Variants in HNRNPH1 observed in about 807,000 individuals in gnomAD.
HNRNPH1 encodes the protein heterogeneous nuclear ribonucleoprotein H.
In HNRNPH1, 4 loss-of-function variants were observed where a neutral mutation model predicts 58.6. The observed-to-expected ratio is 0.07, with a 90% CI of 0.03 to 0.16. HNRNPH1 has a LOEUF of 0.16. HNRNPH1 is among the 10% of genes least tolerant of loss of function. The pLI is 1.00. For synonymous variants in HNRNPH1, 192 were observed against 189.2 expected (o/e 1.01, Z -0.12); for missense variants, 271 against 564.2 (o/e 0.48, Z 5.26).
chr5:179,623,709 G>A (rs1324244172), exon 1 of HNRNPH1: 1 of 152,568 alleles, frequency 6.6e-6, no homozygotes, highest in African/African-American at 2.4e-5. Context: ...AAGGTCCCTT[G>A]TGCGAGTTCT....
In HNRNPH1 at chr5:179,621,511, T is replaced by C. The variant is rs192401448; in HGVS notation, c.98-114A>G. The C allele has an allele frequency of 7.8e-4, 657 of 837,660 alleles. 1 individual carries two copies. Among genetic ancestry groups the C allele is most frequent in the Non-Finnish European group, 1.1e-3 (578 of 527,902 alleles). The allele number at this position is 837,660 out of a possible 1,614,324, so 51.9% of individuals were successfully genotyped here. ...TACAAATTACATAACTTGTGAAGCC[T>C]ATATATACTGACCACGATATTACCA... is the stretch of plus-strand genomic sequence containing the variant. On this transcript the variant is annotated intron_variant, in intron 1 of 12. Transcript: ENST00000356731.
intron 12 of HNRNPH1, 107 bp from the exon 14 acceptor site, chr5:179,615,066 G>T: frequency 1.4e-6 from 1 of 727,732 alleles, no homozygotes; most frequent in Non-Finnish European, 2.4e-6. Context: ...ACAAATGGCT[G>T]CTGTCCAAGT....
intron 2 of HNRNPH1, among the ~76,000 whole-genome samples, chr5:179,633,386 C>A (rs1775005374): frequency 6.6e-6 from 1 of 151,936 alleles, no homozygotes; most frequent in Non-Finnish European, 1.5e-5. Flanking sequence ...AGCTCCGCCT[C>A]CCGGGTTCAC....
At chr5:179,616,787 T>G (rs922375784) in intron 10 of HNRNPH1, 82 bp downstream of exon 11, 1 of 1,215,010 alleles carries the variant, frequency 8.2e-7, no homozygotes. Context: ...CTAAACTTAT[T>G]AAATAAATAG....
chr5:179,618,264 C>G, exon 5 of HNRNPH1: 1 of 1,614,096 alleles, frequency 6.2e-7, no homozygotes, highest in Non-Finnish European at 8.5e-7. Flanking sequence ...CATAAGCTTT[C>G]GTGGTGGATC....
In HNRNPH1 at chr5:179,618,090, A is replaced by T. The variant is rs779319718; in HGVS notation, c.716-30T>A. Reference sequence around the variant, plus strand: ...AAGACAAAGTACAATCAATCAAATAAAACACCTAGACAAAGGAACAGACGA... The same window carrying T: ...AAGACAAAGTACAATCAATCAAATATAACACCTAGACAAAGGAACAGACGA... On this transcript the variant is annotated intron_variant, in intron 5 of 12. Transcript: ENST00000356731. 3.3e-5 allele frequency: 53 copies of T among 1,613,540 alleles called. No individual in the cohort carries two copies. In the South Asian group the frequency reaches 5.3e-4, roughly 16 times the overall value.
At chr5:179,624,587 A>G (rs1774173913) in exon 1 of HNRNPH1, 1 of 398,626 alleles carries the variant, frequency 2.5e-6, no homozygotes, top group African/African-American at 2.1e-5. Context: ...CCAGGCGTAG[A>G]CGCTGCATTC....
exon 1 of HNRNPH1, chr5:179,623,374 C>A: frequency 2.9e-6 from 1 of 340,106 alleles, no homozygotes; most frequent in Middle Eastern, 9.8e-4. Flanking sequence ...GGGGCCCGGG[C>A]CGAGAGCCAG....
Position 179,633,337 on chromosome 5 carries a change from C to T in HNRNPH1, c.-32+728G>A, listed in dbSNP as rs150142856. Reference sequence around the variant, plus strand: ...GTTTGAGACAGTCTCACTTTATCGCCCAGGCTGGAGTGCAGTGGCACAATC... The same window carrying T: ...GTTTGAGACAGTCTCACTTTATCGCTCAGGCTGGAGTGCAGTGGCACAATC... On this transcript the variant is annotated intron_variant, in intron 2 of 4. Coordinates refer to the HNRNPH1 transcript ENST00000521116. 2.0e-3 allele frequency among the ~76,000 whole-genome samples: 301 copies of T among 151,624 alleles called. 1 individual carries two copies. Among genetic ancestry groups the T allele is most frequent in the Non-Finnish European group, 3.3e-3 (225 of 67,928 alleles).
intron 10 of HNRNPH1, chr5:179,616,648 C>T: frequency 1.8e-6 from 1 of 567,476 alleles, no homozygotes; most frequent in Non-Finnish European, 3.1e-6. Flanking sequence ...CTCCGTAGTC[C>T]CCTCCCCCAA....
exon 5 of HNRNPH1, chr5:179,618,168 A>T: frequency 6.2e-7 from 1 of 1,614,022 alleles, no homozygotes; most frequent in Non-Finnish European, 8.5e-7. Flanking sequence ...ACCACGCCTC[A>T]TCCTCTCAAA....
chr5:179,620,969 G>A (rs753096236), exon 3 of HNRNPH1: 3 of 1,613,656 alleles, frequency 1.9e-6, no homozygotes, highest in East Asian at 2.2e-5. Flanking sequence ...ATCATTGGCC[G>A]TGTCAGGACT....
At chr5:179,622,973 GCCGCCCGCCAGCCCGC>G (rs1351386196) in intron 1 of HNRNPH1, 48 bp downstream of exon 2, 28 of 174,652 alleles carry the variant, frequency 1.6e-4, no homozygotes, top group Admixed American at 3.3e-4. Flanking sequence ...CCCCAGCCCG[GCCGCCCGCCAGCCCGC>G]CCGCCCCGGC....
At chr5:179,621,790 G>A in intron 1 of HNRNPH1, 3 of 375,016 alleles carry the variant, frequency 8.0e-6, no homozygotes, top group South Asian at 6.0e-5. Context: ...TACCTTACCA[G>A]TAGCCACATT....
In HNRNPH1 at chr5:179,615,478, T is replaced by C. The variant is rs1450811354; in HGVS notation, c.*68A>G. The C allele has an allele frequency of 8.0e-6, 7 of 872,256 alleles. 1 individual carries two copies. The highest frequency in any genetic ancestry group is 3.0e-5 in the South Asian group (2 of 65,914). The allele number at this position is 872,256 out of a possible 1,614,324, so 54.0% of individuals were successfully genotyped here. A position where few individuals can be genotyped will look rare whatever the true frequency, so the allele number is the denominator to read the frequency against. On this transcript the variant is annotated intron_variant, in intron 12 of 12. Transcript: ENST00000356731. ...GTTAAGTCAGAGCCATTGACTGCTA[T>C]AGAAAGCATTATTACAACATATCAG... is the stretch of plus-strand genomic sequence containing the variant.
At chr5:179,621,220 A>G in intron 2 of HNRNPH1, 22 bp downstream of exon 3, 1 of 1,606,880 alleles carries the variant, frequency 6.2e-7, no homozygotes, top group Non-Finnish European at 8.5e-7. Flanking sequence ...ATTTACTGTA[A>G]CTAGGGCAAT....
chr5:179,623,381 C>G lies in HNRNPH1; in HGVS notation c.-248G>C, dbSNP rs1773699274. The G allele has an allele frequency of 9.8e-5, 32 of 325,140 alleles. 1 individual carries two copies. Among genetic ancestry groups the G allele is most frequent in the South Asian group, 9.5e-4 (31 of 32,790 alleles). The allele number at this position is 325,140 out of a possible 1,614,324, so 20.1% of individuals were successfully genotyped here. ...GAACCGTGGGGGCCCGGGCCGAGAGCCAGCGTAGAGGAAAGGAAATGGCGG... is the reference window on the plus strand; with the variant it reads ...GAACCGTGGGGGCCCGGGCCGAGAGGCAGCGTAGAGGAAAGGAAATGGCGG... On this transcript the variant is annotated 5_prime_UTR_variant, in exon 1 of 13. Transcript: ENST00000356731.
At chr5:179,619,445 A>G (rs753925744) in intron 3 of HNRNPH1, 38 bp from the exon 5 acceptor site, 5 of 1,571,220 alleles carry the variant, frequency 3.2e-6, no homozygotes, top group Non-Finnish European at 4.3e-6. Context: ...TAGGGGGGCA[A>G]TATTAACATC....
At position 179,621,401 on chromosome 5, in the gene HNRNPH1, G is replaced by C; in HGVS notation, c.98-4C>G. ...GCCCCATTTTGAATTTTGCAGTCTG[G>C]AAAGAAAACAACCGTTAATACAGAA... is the stretch of plus-strand genomic sequence containing the variant. On this transcript the variant is annotated splice_polypyrimidine_tract_variant and splice_region_variant and intron_variant, in intron 1 of 12. Transcript: ENST00000356731. The C allele has an allele frequency of 1.2e-6, 2 of 1,612,198 alleles. No individual in the cohort carries two copies. Among genetic ancestry groups the C allele is most frequent in the Non-Finnish European group, 1.7e-6 (2 of 1,179,432 alleles).
Sources: allele counts gnomAD v4.1 joint callset (sites outside exome capture counted in the v4.1 genomes callset), GRCh38; gene constraint gnomAD v4.1.1; transcripts MANE v1.5; gene names NCBI Gene and HGNC (gene_info 2026-07-23, HGNC 2026-07-21).